AGAP1: variants seen among roughly 807,000 people sequenced by gnomAD.
The protein encoded by AGAP1 is arf-GAP with GTPase, ANK repeat and PH domain-containing protein 1.
In AGAP1, 29 loss-of-function variants were observed where a neutral mutation model predicts 105.3. The observed-to-expected ratio is 0.28, with a 90% CI of 0.21 to 0.38. AGAP1 has a LOEUF of 0.38. Ranked by LOEUF, AGAP1 falls within the 10% of genes least tolerant of loss-of-function variation. The probability of loss-of-function intolerance (pLI) is 1.00; values close to 1 mark genes in which losing one functional copy is unlikely to be tolerated. For synonymous variants in AGAP1, 509 were observed against 485.9 expected (o/e 1.05, Z -0.63); for missense variants, 998 against 1,165.1 (o/e 0.86, Z 2.09).
intron 1 of AGAP1, among the ~76,000 whole-genome samples, chr2:235,594,717 G>A (rs536281137): frequency 6.6e-6 from 1 of 151,942 alleles, no homozygotes; most frequent in East Asian, 1.9e-4. Context: ...GATTACAGAT[G>A]CATGCCACCA....
intron 1 of AGAP1, among the ~76,000 whole-genome samples, chr2:235,570,222 G>A (rs2149160347): frequency 6.6e-6 from 1 of 152,318 alleles, no homozygotes; most frequent in African/African-American, 2.4e-5. Flanking sequence ...CGGTGCTTCT[G>A]CCCTGGTGGA....
chr2:235,770,257 C>T (rs1955328711), intron 6 of AGAP1, among the ~76,000 whole-genome samples: 1 of 151,728 alleles, frequency 6.6e-6, no homozygotes, highest in Admixed American at 6.6e-5. Flanking sequence ...CTCAGCCTCC[C>T]CAGTAGCTGG....
chr2:235,767,758 G>A (rs1955084767), intron 6 of AGAP1, among the ~76,000 whole-genome samples: 1 of 143,642 alleles, frequency 7.0e-6, no homozygotes, highest in South Asian at 2.3e-4. Context: ...TCTTGGTATA[G>A]AATCTTCCAG....
At chr2:235,521,201 C>T (rs575343767) in intron 1 of AGAP1, among the ~76,000 whole-genome samples, 8 of 152,226 alleles carry the variant, frequency 5.3e-5, no homozygotes, top group Non-Finnish European at 8.8e-5. Flanking sequence ...ATCTCACTTT[C>T]GGTGATAAAC....
chr2:235,763,001 A>G (rs144570111), intron 6 of AGAP1, among the ~76,000 whole-genome samples: 1,880 of 151,990 alleles, frequency 0.012, 23 homozygotes, highest in Non-Finnish European at 0.016. Context: ...CACTGACAAC[A>G]CTGCCACCCG....
chr2:235,852,775 G>A, intron 9 of AGAP1: 1 of 1,453,626 alleles, frequency 6.9e-7, no homozygotes, highest in Non-Finnish European at 9.3e-7. Flanking sequence ...CCTGGCCAGG[G>A]CCGAGGGGTG....
At position 236,095,704 on chromosome 2, in the gene AGAP1, C is replaced by CA. The variant is rs570258560; in HGVS notation, c.2115-24486dup. Among the ~76,000 whole-genome samples the CA allele has an allele frequency of 2.0e-3, 298 of 152,142 alleles. 1 individual carries two copies. Among genetic ancestry groups the CA allele is most frequent in the South Asian group, 8.7e-3 (42 of 4,822 alleles). ...ATAAAACTAATTAGAATAATGCTGA[C>CA]AATGTAAAATTGTGGGAAAAAACTT... On this transcript the variant is annotated intron_variant, in intron 16 of 17. Coordinates refer to ENST00000304032, the MANE Select transcript of AGAP1 (RefSeq NM_001037131.3). This position sits in a 1 kb window ranked among gnomAD's most constrained non-coding sequence, Gnocchi z 4.1.
In AGAP1 at chr2:235,704,571, G is replaced by A. The variant is rs547495536; in HGVS notation, c.164-4608G>A. On this transcript the variant is annotated intron_variant, in intron 1 of 17. Transcript: ENST00000304032. ...TGAGGCAGGAGAATCTCTTGAACTC[G>A]GGAGGTGGAGGTTGCAGTGAGCCAA... Among the ~76,000 whole-genome samples, 13 of 152,332 alleles carry A rather than the reference G, an allele frequency of 8.5e-5. No individual in the cohort carries two copies. In the South Asian group the frequency reaches 2.3e-3, roughly 27 times the overall value.
intron 1 of AGAP1, chr2:235,670,460 G>A: frequency 5.7e-6 from 3 of 530,216 alleles, no homozygotes; most frequent in Non-Finnish European, 1.0e-5. Context: ...CGCGGACCTG[G>A]CCGGCAGCGC....
chr2:235,899,912 T>G (rs1245659986), intron 10 of AGAP1, among the ~76,000 whole-genome samples: 2 of 152,200 alleles, frequency 1.3e-5, no homozygotes, highest in African/African-American at 4.8e-5. Flanking sequence ...AGTAGGTCAG[T>G]CAAGACAGAT....
rs552598651 is a variant in AGAP1, at chr2:235,522,645, G to A, written c.163+27796G>A. ...GGAGCGATTGCAGGGACGGGGTGAT[G>A]CCGATGAAGAGGCTGGCCACAAGGC... is the stretch of plus-strand genomic sequence containing the variant. On this transcript the variant is annotated intron_variant, in intron 1 of 17. Transcript: ENST00000304032. Among the ~76,000 whole-genome samples, 117 of 152,296 alleles carry A rather than the reference G, an allele frequency of 7.7e-4. 1 individual carries two copies. Among genetic ancestry groups the A allele is most frequent in the African/African-American group, 2.7e-3 (111 of 41,558 alleles).
chr2:236,118,549 C>T (rs1457024870), intron 16 of AGAP1, among the ~76,000 whole-genome samples: 5 of 151,874 alleles, frequency 3.3e-5, no homozygotes, highest in Non-Finnish European at 2.9e-5. Context: ...GCCACCACAC[C>T]GGCTAATTTT....
At chr2:235,509,895 GCCTTGTGTTA>G (rs1223960869) in intron 1 of AGAP1, among the ~76,000 whole-genome samples, 4 of 152,020 alleles carry the variant, frequency 2.6e-5, no homozygotes, top group African/African-American at 9.7e-5. Flanking sequence ...CACTCCCTTT[GCCTTGTGTTA>G]CCCCCTGAGC....
intron 12 of AGAP1, among the ~76,000 whole-genome samples, chr2:235,933,734 T>C (rs906322452): frequency 6.6e-6 from 1 of 152,044 alleles, no homozygotes; most frequent in Non-Finnish European, 1.5e-5. Flanking sequence ...GGTTTCACCA[T>C]GTTGGCCGGG....
At position 235,953,173 on chromosome 2, in the gene AGAP1, A is replaced by C. The variant is rs969666671; in HGVS notation, c.1484-15289A>C. On this transcript the variant is annotated intron_variant, in intron 12 of 17. Transcript: ENST00000304032. This position sits in a 1 kb window ranked among gnomAD's most constrained non-coding sequence, Gnocchi z 5.2. Reference sequence around the variant, plus strand: ...CAGTTTAGGAGAGAGTCTTGAAATCACCTGGAACAAGAAGTTTTTCAAATA... The same window carrying C: ...CAGTTTAGGAGAGAGTCTTGAAATCCCCTGGAACAAGAAGTTTTTCAAATA... Among the ~76,000 whole-genome samples the C allele has an allele frequency of 6.6e-6, 1 of 152,204 alleles. No individual in the cohort carries two copies. Among genetic ancestry groups the C allele is most frequent in the African/African-American group, 2.4e-5 (1 of 41,432 alleles).
chr2:235,909,256 C>A (rs1172949635), intron 11 of AGAP1, among the ~76,000 whole-genome samples: 4 of 152,172 alleles, frequency 2.6e-5, no homozygotes, highest in Non-Finnish European at 1.5e-5. Flanking sequence ...TTTCTGATAA[C>A]TGTATGTATG....
In AGAP1 at chr2:235,558,941, T is replaced by A. The variant is rs548677866; in HGVS notation, c.163+64092T>A. Among the ~76,000 whole-genome samples the A allele has an allele frequency of 3.9e-5, 6 of 152,238 alleles. No individual in the cohort carries two copies. The South Asian group carries it at 8.3e-4, about 21-fold the overall frequency. On this transcript the variant is annotated intron_variant, in intron 1 of 17. Transcript: ENST00000304032. ...ACACGTCATTGAAGATTTTTTTTTT[T>A]AGATAGGGTCTCGCTGTGTGTCCTA...
At position 236,040,981 on chromosome 2, in the gene AGAP1, T is replaced by C; in HGVS notation, c.1891+140T>C. ...ACTGCTTTTAGGAAATTGAGATATT[T>C]TGTTTGGATTTTACCTTAACAGAGT... is the stretch of plus-strand genomic sequence containing the variant. On this transcript the variant is annotated intron_variant, in intron 15 of 17. Transcript: ENST00000304032. The surrounding 1 kb of genome is among the most constrained non-coding windows in gnomAD (Gnocchi z 5.6). The C allele has an allele frequency of 1.2e-6, 1 of 815,332 alleles. No homozygotes were observed. Among genetic ancestry groups the C allele is most frequent in the Non-Finnish European group, 1.9e-6 (1 of 515,942 alleles). The allele number at this position is 815,332 out of a possible 1,614,324, so 50.5% of individuals were successfully genotyped here.
chr2:235,665,497 C>T lies in AGAP1; in HGVS notation c.164-43682C>T, dbSNP rs377114219. Among the ~76,000 whole-genome samples, 208 of 152,274 alleles carry T rather than the reference C, an allele frequency of 1.4e-3. 2 individuals carry two copies. Among genetic ancestry groups the T allele is most frequent in the South Asian group, 6.9e-3 (33 of 4,810 alleles). ...CTGGAGTGTCCCAGGCAAAGGGATGCGTGCAGAATTTTCAGTTCCTAGAAG... is the reference window on the plus strand; with the variant it reads ...CTGGAGTGTCCCAGGCAAAGGGATGTGTGCAGAATTTTCAGTTCCTAGAAG... On this transcript the variant is annotated intron_variant, in intron 1 of 17. Transcript: ENST00000304032. This position sits in a 1 kb window ranked among gnomAD's most constrained non-coding sequence, Gnocchi z 5.3.
Sources: allele counts gnomAD v4.1 joint callset (sites outside exome capture counted in the v4.1 genomes callset), GRCh38; gene constraint gnomAD v4.1.1; non-coding constraint Gnocchi (gnomAD v3.1); transcripts MANE v1.5; gene names NCBI Gene and HGNC (gene_info 2026-07-23, HGNC 2026-07-21).